Variants in DLGAP4 observed in about 807,000 individuals in gnomAD.
The protein encoded by DLGAP4 is disks large-associated protein 4.
In DLGAP4, 18 loss-of-function variants were observed where a neutral mutation model predicts 86.9. That is an observed-to-expected ratio of 0.21 (90% CI 0.14 to 0.31). The LOEUF (loss-of-function observed/expected upper bound fraction) is 0.31, where lower values mean the gene tolerates loss of function less well. Ranked by LOEUF, DLGAP4 falls within the 10% of genes least tolerant of loss-of-function variation. The pLI, the probability that DLGAP4 is intolerant of heterozygous loss-of-function variation, is 1.00. For missense variants in DLGAP4, 1,085 were observed against 1,362.6 expected (o/e 0.80, Z 3.21); for synonymous variants, 548 against 574.3 (o/e 0.95, Z 0.65).
chr20:36,427,813 C>T (rs960883031), intron 2 of DLGAP4, among the ~76,000 whole-genome samples: 10 of 151,268 alleles, frequency 6.6e-5, no homozygotes, highest in East Asian at 5.9e-4. Context: ...CGTGGTGGTG[C>T]GTGCCTATAA....
chr20:36,526,111 G>A (rs781596299), intron 12 of DLGAP4, 105 bp downstream of exon 12: 39 of 1,536,964 alleles, frequency 2.5e-5, no homozygotes, highest in South Asian at 1.0e-4. Context: ...TCCGTGTGTC[G>A]TCTTTGAGCT....
At chr20:36,429,661 C>G (rs2033078015) in intron 2 of DLGAP4, among the ~76,000 whole-genome samples, 2 of 152,100 alleles carry the variant, frequency 1.3e-5, no homozygotes, top group Admixed American at 6.6e-5. Flanking sequence ...CCTGCCTTGG[C>G]CTCCAAAAGT....
In DLGAP4 at chr20:36,440,382, A is replaced by G. The variant is rs6019233; in HGVS notation, c.1356+514A>G. 5.2e-3 allele frequency among the ~76,000 whole-genome samples: 788 copies of G among 152,284 alleles called. 6 individuals are homozygous for G. Among genetic ancestry groups the G allele is most frequent in the African/African-American group, 0.018 (764 of 41,558 alleles). ...ATTATTAGCATCTTTTGTGACCTCCAGCAAGTGACTGCTCACTTTGAACCT... is the reference window on the plus strand; with the variant it reads ...ATTATTAGCATCTTTTGTGACCTCCGGCAAGTGACTGCTCACTTTGAACCT... On this transcript the variant is annotated intron_variant, in intron 5 of 12. Coordinates refer to ENST00000339266, the MANE Select transcript of DLGAP4 (RefSeq NM_001365621.2).
At chr20:36,371,120 C>A (rs1228710682) in intron 2 of DLGAP4, among the ~76,000 whole-genome samples, 1 of 152,144 alleles carries the variant, frequency 6.6e-6, no homozygotes, top group Non-Finnish European at 1.5e-5. Flanking sequence ...GAAAGCCTTG[C>A]TTGGTGCTGG....
Position 36,500,129 on chromosome 20 carries a change from G to A in DLGAP4, c.2100-70G>A. ...TCTCCCGTGTGTCCGGGTCAAGGCG[G>A]CCTCTGGTCTCTGGCCCTCTTGGTG... On this transcript the variant is annotated intron_variant, in intron 9 of 12. Transcript: ENST00000339266. The surrounding 1 kb of genome is among the most constrained non-coding windows in gnomAD (Gnocchi z 4.6). 1 of 1,474,256 alleles carries A rather than the reference G, an allele frequency of 6.8e-7. No homozygotes were observed. The highest frequency in any genetic ancestry group is 9.1e-7 in the Non-Finnish European group (1 of 1,101,134). 91.3% of individuals were successfully genotyped at this position (1,474,256 alleles called of 1,614,324 possible). A position where few individuals can be genotyped will look rare whatever the true frequency, so the allele number is the denominator to read the frequency against.
At chr20:36,524,372 G>A in intron 11 of DLGAP4, 31 bp downstream of exon 11, 1 of 1,590,946 alleles carries the variant, frequency 6.3e-7, no homozygotes, top group South Asian at 1.1e-5. Flanking sequence ...TCCACAGCAG[G>A]GCTTCCAGCC....
chr20:36,525,254 A>AAAAAAAAAAAAAAAAAAAAAAAAC (rs1569527332), intron 11 of DLGAP4, among the ~76,000 whole-genome samples: 1 of 62,550 alleles, frequency 1.6e-5, no homozygotes, highest in African/African-American at 3.7e-5. Context: ...AAAAAAAAAA[A>AAAAAAAAAAAAAAAAAAAAAAAAC]CAAAGAAATC....
At chr20:36,391,831 G>A (rs556392020) in intron 2 of DLGAP4, among the ~76,000 whole-genome samples, 1 of 152,310 alleles carries the variant, frequency 6.6e-6, no homozygotes, top group African/African-American at 2.4e-5. Flanking sequence ...AGTATCACAT[G>A]AGCAAGTGGG....
chr20:36,465,913 A>C (rs963164636), intron 7 of DLGAP4, among the ~76,000 whole-genome samples: 3 of 151,990 alleles, frequency 2.0e-5, no homozygotes, highest in Non-Finnish European at 4.4e-5. Flanking sequence ...AGAGGCCCAC[A>C]CTGTCAAATG....
intron 1 of DLGAP4, among the ~76,000 whole-genome samples, chr20:36,356,597 C>T (rs1393853964): frequency 6.6e-6 from 1 of 151,934 alleles, no homozygotes; most frequent in African/African-American, 2.4e-5. Flanking sequence ...AGGGGTGAGC[C>T]ACCGCGCCTG....
intron 1 of DLGAP4, among the ~76,000 whole-genome samples, chr20:36,361,264 T>A (rs2030510599): frequency 6.6e-6 from 1 of 152,188 alleles, no homozygotes; most frequent in Non-Finnish European, 1.5e-5. Flanking sequence ...CCATTTCAGT[T>A]CAACTTTACA....
At chr20:36,321,404 G>A (rs1158096221) in intron 1 of DLGAP4, among the ~76,000 whole-genome samples, 1 of 152,234 alleles carries the variant, frequency 6.6e-6, no homozygotes, top group Admixed American at 6.5e-5. Flanking sequence ...GGGCTGCGGG[G>A]GAGTTTCCAG....
intron 7 of DLGAP4, among the ~76,000 whole-genome samples, chr20:36,479,913 G>T (rs976988170): frequency 6.6e-6 from 1 of 152,220 alleles, no homozygotes; most frequent in African/African-American, 2.4e-5. Flanking sequence ...TCCATGGAGG[G>T]CCTGGGATTG....
intron 1 of DLGAP4, among the ~76,000 whole-genome samples, chr20:36,327,610 G>C (rs1388275464): frequency 1.3e-3 from 54 of 40,976 alleles, no homozygotes; most frequent in Non-Finnish European, 2.0e-3. Flanking sequence ...TTTTTTTTTT[G>C]AGACGGAGTC....
chr20:36,413,098 G>A (rs544925693), intron 2 of DLGAP4, among the ~76,000 whole-genome samples: 13 of 150,618 alleles, frequency 8.6e-5, no homozygotes, highest in Admixed American at 6.0e-4. Context: ...TTGTGCCTCA[G>A]CCTTCTGAGT....
chr20:36,490,977 G>A (rs561570177), intron 7 of DLGAP4, among the ~76,000 whole-genome samples: 55 of 150,224 alleles, frequency 3.7e-4, no homozygotes, highest in African/African-American at 1.2e-3. Context: ...GGCGGATCAC[G>A]AGGTCAAGAG....
rs540239662 is a variant in DLGAP4, at chr20:36,469,279, G to A, written c.1648+22342G>A. Among the ~76,000 whole-genome samples the A allele has an allele frequency of 3.3e-5, 5 of 152,190 alleles. No individual in the cohort carries two copies. The South Asian group carries it at 6.2e-4, about 19-fold the overall frequency. ...CCAGAGTCTGCAGCAGCAGCACACCGAGATCTAGCCAGGATCCACCCCAGG... is the reference window on the plus strand; with the variant it reads ...CCAGAGTCTGCAGCAGCAGCACACCAAGATCTAGCCAGGATCCACCCCAGG... On this transcript the variant is annotated intron_variant, in intron 7 of 12. Transcript: ENST00000339266.
At chr20:36,436,515 C>A (rs1001098762) in intron 4 of DLGAP4, among the ~76,000 whole-genome samples, 165 bp downstream of exon 4, 19 of 152,098 alleles carry the variant, frequency 1.2e-4, no homozygotes, top group Admixed American at 3.3e-4. Context: ...TTGAGAGAAC[C>A]CCTTCATTGA....
chr20:36,371,866 G>A (rs1162034307), intron 2 of DLGAP4, among the ~76,000 whole-genome samples: 1 of 152,178 alleles, frequency 6.6e-6, no homozygotes, highest in Non-Finnish European at 1.5e-5. Flanking sequence ...GGAAGTGGGG[G>A]CATGGGTGAT....
Sources: gnomAD v4.1 joint callset for allele counts (sites outside exome capture counted in the v4.1 genomes callset) on GRCh38, gnomAD v4.1.1 for gene constraint, Gnocchi (gnomAD v3.1) non-coding constraint, MANE v1.5 for transcripts, NCBI Gene and HGNC (gene_info 2026-07-23, HGNC 2026-07-21) for gene names.